The following ACADSB variants were observed in gnomAD, a reference collection of about 807,000 sequenced individuals.
ACADSB encodes acyl-CoA dehydrogenase short/branched chain.
In ACADSB, 40 loss-of-function variants were observed where a neutral mutation model predicts 54.1. The observed-to-expected ratio is 0.74, with a 90% confidence interval of 0.57 to 0.96. The LOEUF is 0.96. Ranked by LOEUF, ACADSB falls within the 40% of genes least tolerant of loss-of-function variation. ACADSB has a pLI of 0.00. For synonymous variants in ACADSB, 182 were observed against 182.8 expected, an observed-to-expected ratio of 1.00 and a Z score of 0.03; for missense variants, 530 against 510.4, an observed-to-expected ratio of 1.04 and a Z score of -0.37.
At chr10:123,035,356 A>G (rs1359228389) in intron 2 of ACADSB, among the ~76,000 whole-genome samples, 1 of 152,226 alleles carries the variant, frequency 6.6e-6, no homozygotes, top group African/African-American at 2.4e-5. Flanking sequence ...CAGAAGTTGT[A>G]TACCACTAAA....
chr10:123,014,687 T>G, intron 1 of ACADSB, among the ~76,000 whole-genome samples: 1 of 152,162 alleles, frequency 6.6e-6, no homozygotes, highest in East Asian at 1.9e-4. Context: ...AAAAATGAAT[T>G]TTAGAACAGT....
In ACADSB at chr10:123,041,218, TTC is replaced by T; in HGVS notation, c.522_523del (p.Phe174LeufsTer9). 5.6e-6 allele frequency: 9 copies of T among 1,614,186 alleles called. No individual in the cohort carries two copies. The highest frequency in any genetic ancestry group is 7.6e-6 in the Non-Finnish European group (9 of 1,180,030). ...TTTCTCCCATATGTAGGTAGGAAGT[TTC>T]TGCCTTTCAGAGGCTGGAGCAGGTA... ...PQLTTEKVGS[F>X]CLSEAGAGSD... On this transcript the variant is annotated frameshift_variant, in exon 5 of 11. Coordinates refer to ENST00000358776, the MANE Select transcript of ACADSB (RefSeq NM_001609.4). LOFTEE classifies it high-confidence loss of function.
chr10:123,047,041 A>G (rs1850569299), intron 7 of ACADSB, among the ~76,000 whole-genome samples, 168 bp from the exon 8 acceptor site: 1 of 152,218 alleles, frequency 6.6e-6, no homozygotes, highest in Admixed American at 6.5e-5. Flanking sequence ...TCAGTTCTAC[A>G]AATGCGGTGG....
At chr10:123,039,150 G>T (rs1174254094) in intron 3 of ACADSB, among the ~76,000 whole-genome samples, 1 of 152,220 alleles carries the variant, frequency 6.6e-6, no homozygotes, top group African/African-American at 2.4e-5. Context: ...GACTTTTTTA[G>T]AGAAGCAATG....
intron 7 of ACADSB, among the ~76,000 whole-genome samples, chr10:123,044,936 T>G (rs1200329564): frequency 6.6e-6 from 1 of 151,626 alleles, no homozygotes; most frequent in African/African-American, 2.4e-5. Context: ...ACTGGGCAAG[T>G]TTTTTGGCGG....
rs1306260488 is a variant in ACADSB, at chr10:123,041,518, GC to G, written c.681+140del. On this transcript the variant is annotated intron_variant, in intron 5 of 10. Transcript: ENST00000358776. ...TCAGTACTGAAAATGTCAGACTTGA[GC>G]TGGCATTTTTTCACTTCGTTAATCT... is the stretch of plus-strand genomic sequence containing the variant. 3.5e-6 allele frequency: 3 copies of G among 868,652 alleles called. No individual in the cohort carries two copies. The African/African-American group carries it at 5.1e-5, about 15-fold the overall frequency. The allele number at this position is 868,652 out of a possible 1,614,324, so 53.8% of individuals were successfully genotyped here. A position where few individuals can be genotyped will look rare whatever the true frequency, so the allele number is the denominator to read the frequency against.
rs1850671541 is a variant in ACADSB at position 123,054,052 on chromosome 10, T to A, written c.*287T>A. On this transcript the variant is annotated 3_prime_UTR_variant, in exon 11 of 11. Transcript: ENST00000358776. Reference sequence around the variant, plus strand: ...CGCATACATATATATATTTTTACTCTGTCTTACTCTGTCACCCAGGCTAGA... The same window carrying A: ...CGCATACATATATATATTTTTACTCAGTCTTACTCTGTCACCCAGGCTAGA... The A allele has an allele frequency of 7.0e-6, 3 of 425,834 alleles. No homozygotes were observed. The South Asian group carries it at 7.3e-5, about 10-fold the overall frequency. 26.4% of individuals were successfully genotyped at this position (425,834 alleles called of 1,614,324 possible). A position where few individuals can be genotyped will look rare whatever the true frequency, so the allele number is the denominator to read the frequency against.
At chr10:123,043,440 C>T (rs1180142476) in intron 6 of ACADSB, among the ~76,000 whole-genome samples, 1 of 152,220 alleles carries the variant, frequency 6.6e-6, no homozygotes, top group Non-Finnish European at 1.5e-5. Flanking sequence ...GTGCTTCTGA[C>T]CACGTATACT....
chr10:123,040,183 T>TAA (rs11363649), intron 3 of ACADSB, among the ~76,000 whole-genome samples: 10 of 138,914 alleles, frequency 7.2e-5, no homozygotes, highest in Non-Finnish European at 9.4e-5. Flanking sequence ...CCATCTCTAC[T>TAA]AAAAAAAAAA....
chr10:123,024,770 C>G (rs1352930318), intron 1 of ACADSB, among the ~76,000 whole-genome samples: 1 of 152,236 alleles, frequency 6.6e-6, no homozygotes, highest in African/African-American at 2.4e-5. Context: ...AAGCAGGCAG[C>G]TCAAGGGCCC....
intron 1 of ACADSB, among the ~76,000 whole-genome samples, chr10:123,018,722 G>A (rs1201083814): frequency 6.6e-6 from 1 of 152,172 alleles, no homozygotes; most frequent in African/African-American, 2.4e-5. Context: ...CAATTGTGGT[G>A]AGGAAGGTGA....
intron 7 of ACADSB, 78 bp from the exon 8 acceptor site, chr10:123,047,127 ATGTT>A: frequency 8.7e-7 from 1 of 1,151,422 alleles, no homozygotes; most frequent in African/African-American, 1.5e-5. Context: ...CATTCAATTT[ATGTT>A]TAGAGGGAAT....
intron 3 of ACADSB, among the ~76,000 whole-genome samples, chr10:123,038,633 T>C (rs1313029277): frequency 2.0e-5 from 3 of 152,228 alleles, no homozygotes; most frequent in African/African-American, 7.2e-5. Flanking sequence ...GTGGCTGCTA[T>C]TCAGAGCCAT....
Position 123,045,148 on chromosome 10 carries a change from TATATATATATATATATATATA to T in ACADSB, c.900+664_900+684del, listed in dbSNP as rs1564752888. Among the ~76,000 whole-genome samples, 9 of 10,884 alleles carry T rather than the reference TATATATATATATATATATATA, an allele frequency of 8.3e-4. 1 individual carries two copies. Among genetic ancestry groups the T allele is most frequent in the East Asian group, 2.3e-3 (3 of 1,308 alleles). 7.1% of individuals were successfully genotyped at this position (10,884 alleles called of 152,430 possible). A position where few individuals can be genotyped will look rare whatever the true frequency, so the allele number is the denominator to read the frequency against. ...TGTAGAGTGTATATATATATATATA[TATATATATATATATATATATA>T]TATTTTTTTTTTTTTTTTTTTTTTT... On this transcript the variant is annotated intron_variant, in intron 7 of 10. Transcript: ENST00000358776.
At chr10:123,026,307 G>A (rs1342804569) in intron 1 of ACADSB, among the ~76,000 whole-genome samples, 3 of 152,182 alleles carry the variant, frequency 2.0e-5, no homozygotes, top group African/African-American at 7.2e-5. Context: ...ACAACTGCCT[G>A]TGTAAATAAA....
In ACADSB at chr10:123,026,401, T is replaced by C. The variant is rs147175506; in HGVS notation, c.43-7955T>C. On this transcript the variant is annotated intron_variant, in intron 1 of 10. Coordinates refer to ENST00000358776, the MANE Select transcript of ACADSB (RefSeq NM_001609.4). ...CATTTAACCTGGTTGGTTAGAGAAG[T>C]ATGTAAATGTATCATTCTTTGGTAT... 2.0e-3 allele frequency among the ~76,000 whole-genome samples: 303 copies of C among 152,310 alleles called. 1 individual carries two copies. Among genetic ancestry groups the C allele is most frequent in the Middle Eastern group, 0.014 (4 of 294 alleles).
chr10:123,031,775 A>G (rs1186087394), intron 1 of ACADSB, among the ~76,000 whole-genome samples: 2 of 152,192 alleles, frequency 1.3e-5, no homozygotes, highest in African/African-American at 4.8e-5. Context: ...CTGTGATCCT[A>G]TACCATTTCT....
intron 1 of ACADSB, 106 bp from the exon 2 acceptor site, chr10:123,034,248 TAA>T: frequency 8.2e-7 from 1 of 1,221,118 alleles, no homozygotes; most frequent in Non-Finnish European, 1.2e-6. Context: ...TGCGCTAGGT[TAA>T]GTTTCCTTAT....
At position 123,040,659 on chromosome 10, in the gene ACADSB, T is replaced by C; in HGVS notation, c.497T>C (p.Leu166Pro). 1 of 1,613,016 alleles carries C rather than the reference T, an allele frequency of 6.2e-7. No individual in the cohort carries two copies. Among genetic ancestry groups the C allele is most frequent in the Non-Finnish European group, 8.5e-7 (1 of 1,179,016 alleles). Residue 166 changes from leucine to proline, a missense_variant, in exon 4 of 11, where the codon CTC becomes CCC. Coordinates refer to ENST00000358776, the MANE Select transcript of ACADSB (RefSeq NM_001609.4). ...CAAAAGGCCACCTATTTGCCTCAGC[T>C]CACTACAGAAAAAGTGAGTTGAGAT... Reference protein sequence around the residue: ...EEQKATYLPQLTTEKVGSFCL... With the variant: ...EEQKATYLPQPTTEKVGSFCL...
Sources: gnomAD v4.1 joint callset for allele counts (sites outside exome capture counted in the v4.1 genomes callset) on GRCh38, gnomAD v4.1.1 for gene constraint, MANE v1.5 for transcripts, NCBI Gene and HGNC (gene_info 2026-07-23, HGNC 2026-07-21) for gene names.